Variants in CSMD3 observed in about 807,000 individuals in gnomAD.
The protein encoded by CSMD3 is CUB and Sushi multiple domains 3.
A neutral mutation model predicts 435.2 loss-of-function variants in CSMD3; 177 were observed. The ratio of observed to expected loss-of-function variants is 0.41; its 90% confidence interval spans 0.36 to 0.46. The LOEUF is 0.46. Ranked by LOEUF, CSMD3 falls within the 20% of genes least tolerant of loss-of-function variation. The pLI is 0.34. For missense variants in CSMD3, 4,265 were observed against 4,504.6 expected (o/e 0.95, Z 1.52); for synonymous variants, 1,656 against 1,520.5 (o/e 1.09, Z -2.07).
Position 112,547,846 on chromosome 8 carries a change from A to C in CSMD3, c.4564+2825T>G, listed in dbSNP as rs147338447. 5.9e-3 allele frequency among the ~76,000 whole-genome samples: 891 copies of C among 152,248 alleles called. 4 individuals carry two copies. Among genetic ancestry groups the C allele is most frequent in the African/African-American group, 0.019 (810 of 41,564 alleles). The stretch of plus-strand genomic sequence containing the variant: ...TTGAGTTAATGAAAAGATGAGTTTG[A>C]GAATTAATTAGTGATAAATATGTTT... On this transcript the variant is annotated intron_variant, in intron 27 of 70. Coordinates refer to ENST00000297405, the MANE Select transcript of CSMD3 (RefSeq NM_198123.2).
chr8:112,774,066 T>C (rs1409925293), intron 13 of CSMD3, among the ~76,000 whole-genome samples: 1 of 152,006 alleles, frequency 6.6e-6, no homozygotes. Flanking sequence ...ACATATCAGC[T>C]ATGGAAACTC....
At chr8:113,216,165 AT>A (rs1387320567) in intron 3 of CSMD3, among the ~76,000 whole-genome samples, 4 of 152,048 alleles carry the variant, frequency 2.6e-5, no homozygotes, top group East Asian at 3.9e-4. Context: ...TCTAAAAAAA[AT>A]CCATAAGAAA....
intron 35 of CSMD3, among the ~76,000 whole-genome samples, chr8:112,405,112 G>T (rs1474959309): frequency 1.4e-5 from 2 of 145,266 alleles, no homozygotes; most frequent in African/African-American, 5.1e-5. Context: ...TAACCTGGGA[G>T]GCGGAAGTTG....
intron 37 of CSMD3, among the ~76,000 whole-genome samples, chr8:112,383,112 T>A (rs940792130): frequency 6.6e-6 from 1 of 152,248 alleles, no homozygotes; most frequent in African/African-American, 2.4e-5. Context: ...ACTAATTTTA[T>A]ATAATTTTAT....
rs2130758700 is a variant in CSMD3, at chr8:112,301,897, G to A, written c.8336C>T (p.Ser2779Leu). 6.2e-7 allele frequency: 1 copy of A among 1,612,936 alleles called. No homozygotes were observed. The highest frequency in any genetic ancestry group is 1.7e-5 in the Admixed American group (1 of 59,962). ...NKIGTQTSYGSTAIFTCDLGF... is the reference protein window; with the variant it reads ...NKIGTQTSYGLTAIFTCDLGF... ...CAAGTCGCAGGTAAAGATAGCTGTTGAGCCATATGAAGTTTGAGTTCCAAT... is the reference window on the plus strand; with the variant it reads ...CAAGTCGCAGGTAAAGATAGCTGTTAAGCCATATGAAGTTTGAGTTCCAAT... Residue 2779 changes from serine to leucine, a missense_variant, in exon 53 of 71, where the codon TCA becomes TTA. Physicochemically the swap from Ser to Leu is moderately radical, Grantham distance 145. Coordinates refer to ENST00000297405, the MANE Select transcript of CSMD3 (RefSeq NM_198123.2).
intron 11 of CSMD3, among the ~76,000 whole-genome samples, chr8:112,833,310 G>A (rs892029285): frequency 7.9e-5 from 12 of 151,678 alleles, no homozygotes; most frequent in African/African-American, 2.7e-4. Flanking sequence ...CATTTATTTG[G>A]ATCTCTAAAT....
In CSMD3 at chr8:113,314,553, C is replaced by T. The variant is rs747620394; in HGVS notation, c.401+18G>A. ...AGGAAATATTTTCTCTCCAGTCTTCCATTCAAAACACACTAACCTTGTCCT... is the reference window on the plus strand; with the variant it reads ...AGGAAATATTTTCTCTCCAGTCTTCTATTCAAAACACACTAACCTTGTCCT... On this transcript the variant is annotated intron_variant, in intron 2 of 70. Transcript: ENST00000297405. 10 of 1,409,566 alleles carry T rather than the reference C, an allele frequency of 7.1e-6. No homozygotes were observed. In the Admixed American group the frequency reaches 1.2e-4, roughly 17 times the overall value. The allele number at this position is 1,409,566 out of a possible 1,614,324, so 87.3% of individuals were successfully genotyped here. A position where few individuals can be genotyped will look rare whatever the true frequency, so the allele number is the denominator to read the frequency against.
At chr8:112,365,327 TG>T (rs1827662406) in intron 38 of CSMD3, among the ~76,000 whole-genome samples, 1 of 152,070 alleles carries the variant, frequency 6.6e-6, no homozygotes. Context: ...AGGTAATTTT[TG>T]TTAGCACAAA....
intron 13 of CSMD3, among the ~76,000 whole-genome samples, chr8:112,703,829 G>C (rs1407746989): frequency 6.6e-6 from 1 of 152,064 alleles, no homozygotes. Context: ...CGAGACTATA[G>C]TCAATATTTA....
chr8:112,495,163 T>C (rs1474924434), intron 30 of CSMD3, among the ~76,000 whole-genome samples: 1 of 152,228 alleles, frequency 6.6e-6, no homozygotes, highest in Non-Finnish European at 1.5e-5. Context: ...CTTTACATTG[T>C]ACCTTCCCTT....
Position 112,774,689 on chromosome 8 carries a change from T to C in CSMD3, c.1972+25473A>G, listed in dbSNP as rs180681866. 4.7e-4 allele frequency among the ~76,000 whole-genome samples: 72 copies of C among 152,132 alleles called. No individual in the cohort carries two copies. In the East Asian group the frequency reaches 0.013, roughly 28 times the overall value. On this transcript the variant is annotated intron_variant, in intron 13 of 70. Transcript: ENST00000297405. ...ACACCTGTTTGGGCATTAGAGACAA[T>C]TCATTTTGTCTTTTAAAGGTCTTCA...
chr8:112,536,732 C>T (rs564642629), intron 27 of CSMD3, among the ~76,000 whole-genome samples: 18 of 149,718 alleles, frequency 1.2e-4, no homozygotes, highest in Middle Eastern at 3.4e-3. Context: ...ATGTTTATTG[C>T]GGCACTATTC....
chr8:113,256,322 A>G (rs535511759), intron 3 of CSMD3, among the ~76,000 whole-genome samples: 87 of 152,312 alleles, frequency 5.7e-4, no homozygotes, highest in African/African-American at 1.9e-3. Context: ...TTAAAAATTC[A>G]TATTAAAAGA....
intron 13 of CSMD3, among the ~76,000 whole-genome samples, chr8:112,797,253 C>T (rs2078851323): frequency 6.6e-6 from 1 of 151,864 alleles, no homozygotes; most frequent in Non-Finnish European, 1.5e-5. Flanking sequence ...GTTCTTCCTA[C>T]ATTTGGAGGG....
At chr8:112,653,940 G>A (rs562280431) in intron 18 of CSMD3, among the ~76,000 whole-genome samples, 1 of 152,088 alleles carries the variant, frequency 6.6e-6, no homozygotes, top group South Asian at 2.1e-4. Flanking sequence ...TTACAGGCGT[G>A]AGCCACCGCA....
At chr8:113,284,895 G>A (rs969475355) in intron 2 of CSMD3, among the ~76,000 whole-genome samples, 2 of 152,040 alleles carry the variant, frequency 1.3e-5, no homozygotes, top group African/African-American at 2.4e-5. Flanking sequence ...ACAGTCCAGC[G>A]GTATTTTCTT....
rs550567313 is a variant in CSMD3 at position 113,003,317 on chromosome 8, G to T, written c.1030+15750C>A. Among the ~76,000 whole-genome samples, 6 of 151,972 alleles carry T rather than the reference G, an allele frequency of 3.9e-5. No individual in the cohort carries two copies. In the East Asian group the frequency reaches 5.8e-4, roughly 15 times the overall value. ...CAGTTACTAATTTTTCTTATTTGTT[G>T]TTTGCTTATTTTTCCTTCAATTTTT... On this transcript the variant is annotated intron_variant, in intron 6 of 70. Transcript: ENST00000297405.
In CSMD3 at chr8:112,372,103, T is replaced by A. The variant is rs189730724; in HGVS notation, c.6136+8249A>T. Among the ~76,000 whole-genome samples the A allele has an allele frequency of 3.1e-3, 475 of 151,718 alleles. 1 individual carries two copies. The highest frequency in any genetic ancestry group is 9.5e-3 in the African/African-American group (393 of 41,370). On this transcript the variant is annotated intron_variant, in intron 38 of 70. Coordinates refer to ENST00000297405, the MANE Select transcript of CSMD3 (RefSeq NM_198123.2). ...AAAGTTCACAAATAAAAATAATCCA[T>A]ACACACACACATATGCACACACACA...
intron 35 of CSMD3, among the ~76,000 whole-genome samples, chr8:112,397,627 C>CCTCACATGTCCTCACATGTCCTCGTCA (rs1830964826): frequency 6.6e-6 from 1 of 152,144 alleles, no homozygotes; most frequent in African/African-American, 2.4e-5. Flanking sequence ...CGTCTTCTGG[C>CCTCACATGTCCTCACATGTCCTCGTCA]TGTGTCCTCA....
Sources: gnomAD v4.1 joint callset for allele counts (sites outside exome capture counted in the v4.1 genomes callset) on GRCh38, gnomAD v4.1.1 for gene constraint, MANE v1.5 for transcripts, NCBI Gene and HGNC (gene_info 2026-07-23, HGNC 2026-07-21) for gene names.